PGBD5: variants seen among roughly 807,000 people sequenced by gnomAD.
PGBD5 encodes piggyBac transposable element-derived protein 5.
A neutral mutation model predicts 47.9 loss-of-function variants in PGBD5; 14 were observed. The ratio of observed to expected loss-of-function variants is 0.29; its 90% CI spans 0.19 to 0.46. PGBD5 has a LOEUF of 0.46. PGBD5 is among the 20% of genes least tolerant of loss of function. The probability of loss-of-function intolerance (pLI) is 1.00; values close to 1 mark genes in which losing one functional copy is unlikely to be tolerated. For synonymous variants in PGBD5, 316 were observed against 306.3 expected (o/e 1.03, Z -0.33); for missense variants, 635 against 716.0 (o/e 0.89, Z 1.29).
At chr1:230,396,550 CATTT>C (rs1656983254) in intron 1 of PGBD5, among the ~76,000 whole-genome samples, 1 of 141,108 alleles carries the variant, frequency 7.1e-6, no homozygotes, top group African/African-American at 2.7e-5. Flanking sequence ...AGCTAAGGTA[CATTT>C]TGTTGCCCCC....
At chr1:230,397,072 G>A (rs1172907295) in intron 1 of PGBD5, among the ~76,000 whole-genome samples, 12 of 152,094 alleles carry the variant, frequency 7.9e-5, no homozygotes, top group Admixed American at 2.6e-4. Context: ...CCGAATCCTC[G>A]GCTCTCTGTG....
At chr1:230,423,787 T>C (rs1192814396) in intron 1 of PGBD5, among the ~76,000 whole-genome samples, 1 of 152,120 alleles carries the variant, frequency 6.6e-6, no homozygotes, top group East Asian at 1.9e-4. Flanking sequence ...ACCACTAATG[T>C]CTTTGGTTAA....
chr1:230,422,138 C>T (rs1657662151), intron 1 of PGBD5, among the ~76,000 whole-genome samples: 1 of 151,984 alleles, frequency 6.6e-6, no homozygotes, highest in Non-Finnish European at 1.5e-5. Context: ...TTTTCCCTCT[C>T]TCTCTCTCTT....
chr1:230,420,070 G>A (rs1198207043), intron 1 of PGBD5, among the ~76,000 whole-genome samples: 3 of 152,156 alleles, frequency 2.0e-5, no homozygotes, highest in Non-Finnish European at 4.4e-5. Context: ...AGGTTGCAGT[G>A]CACCAAGATT....
intron 1 of PGBD5, among the ~76,000 whole-genome samples, chr1:230,399,060 G>A (rs187580913): frequency 1.3e-5 from 2 of 150,272 alleles, no homozygotes; most frequent in African/African-American, 5.0e-5. Context: ...GGTTACTAAG[G>A]GGGGGTGGCT....
At chr1:230,355,527 A>C (rs1667624315) in intron 2 of PGBD5, among the ~76,000 whole-genome samples, 1 of 152,306 alleles carries the variant, frequency 6.6e-6, no homozygotes, top group East Asian at 1.9e-4. Context: ...GCAAGTATTT[A>C]GTGAAAGAAA....
intron 1 of PGBD5, among the ~76,000 whole-genome samples, chr1:230,380,275 C>T (rs951916043): frequency 3.9e-5 from 6 of 152,264 alleles, no homozygotes; most frequent in Admixed American, 3.3e-4. Flanking sequence ...GCAGTACTTT[C>T]ATGCCATTTT....
At chr1:230,362,278 T>C (rs1006860455) in intron 1 of PGBD5, 2 of 1,366,696 alleles carry the variant, frequency 1.5e-6, no homozygotes, top group African/African-American at 1.5e-5. Flanking sequence ...TTCACCTCCA[T>C]GCTCTGCACT....
chr1:230,398,196 T>C (rs1393379867), intron 1 of PGBD5, among the ~76,000 whole-genome samples: 1 of 152,200 alleles, frequency 6.6e-6, no homozygotes, highest in Non-Finnish European at 1.5e-5. Flanking sequence ...TGTAGGATGG[T>C]ACATTCATTT....
chr1:230,400,096 T>C (rs1440405009), intron 1 of PGBD5, among the ~76,000 whole-genome samples: 1 of 152,226 alleles, frequency 6.6e-6, no homozygotes, highest in Non-Finnish European at 1.5e-5. Flanking sequence ...AGGCCCTCTG[T>C]GCCCCGCCTC....
At chr1:230,391,015 C>T (rs11587001) in intron 1 of PGBD5, among the ~76,000 whole-genome samples, 1 of 152,110 alleles carries the variant, frequency 6.6e-6, no homozygotes, top group Non-Finnish European at 1.5e-5. Flanking sequence ...ACTGGGATTA[C>T]AGTCATGAGC....
At position 230,337,032 on chromosome 1, in the gene PGBD5, C is replaced by T. The variant is rs544294761; in HGVS notation, c.1075+76G>A. 50 of 1,514,478 alleles carry T rather than the reference C, an allele frequency of 3.3e-5. No homozygotes were observed. The African/African-American group carries it at 5.9e-4, about 18-fold the overall frequency. The allele number at this position is 1,514,478 out of a possible 1,614,324, so 93.8% of individuals were successfully genotyped here. ...TTGTGGTGGCCACCACGTATCTGCA[C>T]CCCCACCTGGACCTCTCCCACCACT... On this transcript the variant is annotated intron_variant, in intron 4 of 6. Transcript: ENST00000391860.
At chr1:230,390,373 A>C (rs2102732045) in intron 1 of PGBD5, among the ~76,000 whole-genome samples, 1 of 151,860 alleles carries the variant, frequency 6.6e-6, no homozygotes, top group South Asian at 2.1e-4. Flanking sequence ...AGAAGCCCAA[A>C]CCCCATTCTT....
rs1426706926 is a variant in PGBD5, at chr1:230,316,108, A to G, written c.*7317T>C. The G allele has an allele frequency of 6.6e-6, 1 of 151,260 alleles. No individual in the cohort carries two copies. The highest frequency in any genetic ancestry group is 2.4e-5 in the African/African-American group (1 of 41,286). The allele number at this position is 151,260 out of a possible 1,614,324, so 9.4% of individuals were successfully genotyped here. A position where few individuals can be genotyped will look rare whatever the true frequency, so the allele number is the denominator to read the frequency against. On this transcript the variant is annotated 3_prime_UTR_variant, in exon 7 of 7. Coordinates refer to ENST00000391860, the MANE Select transcript of PGBD5 (RefSeq NM_001258311.2). ...TGTATACATACATATGTTTATGTGT[A>G]CACATATATCTATGTGTATACATAC... is the stretch of plus-strand genomic sequence containing the variant.
Position 230,341,880 on chromosome 1 carries a change from T to C in PGBD5, c.895-4592A>G, listed in dbSNP as rs190542559. 3.3e-5 allele frequency among the ~76,000 whole-genome samples: 5 copies of C among 152,290 alleles called. 1 individual carries two copies. Among genetic ancestry groups the C allele is most frequent in the Admixed American group, 3.3e-4 (5 of 15,298 alleles). Reference sequence around the variant, plus strand: ...TTTTCACTTTTCCTAAAAAGTTTTTTTGCTCCTATGATTTTTAAATATATA... The same window carrying C: ...TTTTCACTTTTCCTAAAAAGTTTTTCTGCTCCTATGATTTTTAAATATATA... On this transcript the variant is annotated intron_variant, in intron 3 of 6. Transcript: ENST00000391860.
In PGBD5 at chr1:230,319,722, T is replaced by C. The variant is rs2102807005; in HGVS notation, c.*3703A>G. Reference sequence around the variant, plus strand: ...ACCAAGCCTCATCTGATTTAGTCAGTACTGGATGTGTTTGCTCAGAATGAC... The same window carrying C: ...ACCAAGCCTCATCTGATTTAGTCAGCACTGGATGTGTTTGCTCAGAATGAC... On this transcript the variant is annotated 3_prime_UTR_variant, in exon 7 of 7. Coordinates refer to ENST00000391860, the MANE Select transcript of PGBD5 (RefSeq NM_001258311.2). The C allele has an allele frequency of 6.6e-6, 1 of 152,408 alleles. No homozygotes were observed. Among genetic ancestry groups the C allele is most frequent in the South Asian group, 2.1e-4 (1 of 4,826 alleles). 9.4% of individuals were successfully genotyped at this position (152,408 alleles called of 1,614,324 possible). A position where few individuals can be genotyped will look rare whatever the true frequency, so the allele number is the denominator to read the frequency against.
intron 1 of PGBD5, among the ~76,000 whole-genome samples, chr1:230,360,689 C>T (rs570575565): frequency 6.6e-6 from 1 of 152,158 alleles, no homozygotes; most frequent in Non-Finnish European, 1.5e-5. Flanking sequence ...TCTTCGAAAC[C>T]ATGCGAACTG....
At chr1:230,396,491 C>T (rs1656981814) in intron 1 of PGBD5, among the ~76,000 whole-genome samples, 1 of 136,464 alleles carries the variant, frequency 7.3e-6, no homozygotes, top group Non-Finnish European at 1.6e-5. Flanking sequence ...CAGCCAGGGT[C>T]CTCCTCCACT....
intron 1 of PGBD5, among the ~76,000 whole-genome samples, chr1:230,393,182 AG>A (rs146902635): frequency 0.021 from 881 of 42,432 alleles, 5 homozygotes; most frequent in Non-Finnish European, 0.029. Context: ...AGGGGAAGGG[AG>A]GGGGGGAGGA....
Sources: gnomAD v4.1 joint callset for allele counts (sites outside exome capture counted in the v4.1 genomes callset) on GRCh38, gnomAD v4.1.1 for gene constraint, MANE v1.5 for transcripts, NCBI Gene and HGNC (gene_info 2026-07-23, HGNC 2026-07-21) for gene names.